The following TRAPPC9 variants were observed in gnomAD, a reference collection of about 807,000 sequenced individuals.
The protein encoded by TRAPPC9 is trafficking protein particle complex subunit 9.
In TRAPPC9, 83 loss-of-function variants were observed where a neutral mutation model predicts 124.0. That is an observed-to-expected ratio of 0.67 (90% CI 0.56 to 0.80). The LOEUF (loss-of-function observed/expected upper bound fraction) is 0.80. Ranked by LOEUF, TRAPPC9 falls within the 30% of genes least tolerant of loss-of-function variation. TRAPPC9 has a pLI of 0.00. For synonymous variants in TRAPPC9, 638 were observed against 617.5 expected, an observed-to-expected ratio of 1.03 and a Z score of -0.49; for missense variants, 1,302 against 1,508.3, an observed-to-expected ratio of 0.86 and a Z score of 2.27.
At chr8:139,789,371 C>T (rs1488684663) in intron 21 of TRAPPC9, among the ~76,000 whole-genome samples, 4 of 152,298 alleles carry the variant, frequency 2.6e-5, no homozygotes, top group Non-Finnish European at 1.5e-5. Context: ...GGGATGTGGT[C>T]GAAGGGTGTG....
At chr8:140,335,819 G>A (rs943440606) in intron 9 of TRAPPC9, among the ~76,000 whole-genome samples, 5 of 149,320 alleles carry the variant, frequency 3.3e-5, no homozygotes, top group East Asian at 2.0e-4. Context: ...CGATTCTCCC[G>A]CTTTAGCCTC....
chr8:140,216,639 C>T lies in TRAPPC9; in HGVS notation c.2556+4820G>A, dbSNP rs1228696047. Reference sequence around the variant, plus strand: ...CTCCTCTCAGCCCTCTCCGTGCTCCCGTGCTCAGGACAGCAGGCCTGCAGC... The same window carrying T: ...CTCCTCTCAGCCCTCTCCGTGCTCCTGTGCTCAGGACAGCAGGCCTGCAGC... On this transcript the variant is annotated intron_variant, in intron 17 of 22. Coordinates refer to ENST00000438773, the MANE Select transcript of TRAPPC9 (RefSeq NM_001160372.4). The surrounding 1 kb of genome is among the most constrained non-coding windows in gnomAD (Gnocchi z 4.1). Among the ~76,000 whole-genome samples, 5 of 152,206 alleles carry T rather than the reference C, an allele frequency of 3.3e-5. No homozygotes were observed. Among genetic ancestry groups the T allele is most frequent in the Middle Eastern group, 3.2e-3 (1 of 314 alleles).
At chr8:139,745,701 G>A (rs1818840013) in intron 21 of TRAPPC9, among the ~76,000 whole-genome samples, 1 of 152,230 alleles carries the variant, frequency 6.6e-6, no homozygotes, top group Admixed American at 6.5e-5. Flanking sequence ...GGGACAAACA[G>A]AGCAGGACAG....
At position 140,451,292 on chromosome 8, in the gene TRAPPC9, C is replaced by T. The variant is rs151056818; in HGVS notation, c.82G>A (p.Glu28Lys). The change falls in exon 2 of 23, where the codon GAG (glutamate) becomes AAG (lysine). Residue 28 changes from glutamate (E) to lysine (K), a missense_variant. By Grantham distance (56) the Glu-to-Lys change is moderately conservative. Coordinates refer to ENST00000438773, the MANE Select transcript of TRAPPC9 (RefSeq NM_001160372.4). Reference sequence around the variant, plus strand: ...TTATAGATCCTGAAGAAGTTCTCCTCGGAGACGATGCCCACAGGCTGGACC... The same window carrying T: ...TTATAGATCCTGAAGAAGTTCTCCTTGGAGACGATGCCCACAGGCTGGACC... The part of the protein sequence containing the change: ...VVVQPVGIVS[E>K]ENFFRIYKRI... The T allele has an allele frequency of 5.2e-5, 84 of 1,610,248 alleles. No individual in the cohort carries two copies. The African/African-American group carries it at 6.8e-4, about 13-fold the overall frequency.
rs1356576902 is a variant in TRAPPC9, at chr8:139,984,722, A to G, written c.2810+4004T>C. Among the ~76,000 whole-genome samples, 2 of 152,076 alleles carry G rather than the reference A, an allele frequency of 1.3e-5. No homozygotes were observed. The highest frequency in any genetic ancestry group is 2.9e-5 in the Non-Finnish European group (2 of 67,998). On this transcript the variant is annotated intron_variant, in intron 19 of 22. Transcript: ENST00000438773. The surrounding 1 kb of genome is among the most constrained non-coding windows in gnomAD (Gnocchi z 4.3). ...CCCACAGGAGGCCGGTGAGGCACTGAGAGAGGTTTGGGAAAGGGAGGGGAG... is the reference window on the plus strand; with the variant it reads ...CCCACAGGAGGCCGGTGAGGCACTGGGAGAGGTTTGGGAAAGGGAGGGGAG...
chr8:140,233,623 C>CCACACACACACACACACACACACACA (rs35452775), intron 16 of TRAPPC9, among the ~76,000 whole-genome samples: 2 of 90,846 alleles, frequency 2.2e-5, no homozygotes, highest in African/African-American at 4.4e-5. Context: ...TCTCTCCCCA[C>CCACACACACACACACACACACACACA]CACACACACA....
chr8:140,364,644 A>G (rs2068056661), intron 8 of TRAPPC9, among the ~76,000 whole-genome samples: 1 of 151,840 alleles, frequency 6.6e-6, no homozygotes, highest in Non-Finnish European at 1.5e-5. Context: ...GCAGTGGTGC[A>G]TTCTCGGCTC....
chr8:140,255,818 G>A (rs1475780171), intron 15 of TRAPPC9, among the ~76,000 whole-genome samples: 2 of 152,164 alleles, frequency 1.3e-5, no homozygotes, highest in African/African-American at 4.8e-5. Context: ...CCAGGGAGGT[G>A]GAGGTTGCAG....
intron 10 of TRAPPC9, among the ~76,000 whole-genome samples, chr8:140,305,234 C>A (rs1401005540): frequency 6.6e-6 from 1 of 152,190 alleles, no homozygotes; most frequent in Non-Finnish European, 1.5e-5. Flanking sequence ...CAGGTACTAA[C>A]AGAACTTGTT....
intron 18 of TRAPPC9, among the ~76,000 whole-genome samples, chr8:140,004,042 C>T (rs1432560120): frequency 2.0e-5 from 3 of 152,152 alleles, no homozygotes; most frequent in Admixed American, 6.5e-5. Flanking sequence ...TTGACAGACT[C>T]AGTGACACAG....
At chr8:140,198,253 C>T (rs1390586560) in intron 17 of TRAPPC9, among the ~76,000 whole-genome samples, 1 of 152,204 alleles carries the variant, frequency 6.6e-6, no homozygotes, top group Non-Finnish European at 1.5e-5. Flanking sequence ...TTTCCCAAAG[C>T]AGACCTCCTC....
At chr8:140,062,731 G>A (rs116465441) in intron 17 of TRAPPC9, among the ~76,000 whole-genome samples, 1,577 of 152,154 alleles carry the variant, frequency 0.01, 26 homozygotes, top group African/African-American at 0.036. Flanking sequence ...TATTCACTGC[G>A]TCATTACCGG....
chr8:139,941,209 C>T (rs569726887), intron 19 of TRAPPC9, among the ~76,000 whole-genome samples: 93 of 152,354 alleles, frequency 6.1e-4, no homozygotes, highest in African/African-American at 2.2e-3. Flanking sequence ...TCAGCCTTCA[C>T]AGGAGGCTGC....
chr8:139,768,443 C>T (rs374506417), intron 21 of TRAPPC9, among the ~76,000 whole-genome samples: 5 of 152,174 alleles, frequency 3.3e-5, no homozygotes, highest in South Asian at 2.1e-4. Context: ...CGGGCCACAC[C>T]GACTGCGCTG....
Position 139,887,217 on chromosome 8 carries a change from CTTTTTTTTTT to C in TRAPPC9, c.2965-1258_2965-1249del, listed in dbSNP as rs1221275448. Among the ~76,000 whole-genome samples, 11 of 130,592 alleles carry C rather than the reference CTTTTTTTTTT, an allele frequency of 8.4e-5. No individual in the cohort carries two copies. In the South Asian group the frequency reaches 2.7e-3, roughly 32 times the overall value. 85.7% of individuals were successfully genotyped at this position (130,592 alleles called of 152,430 possible). A position where few individuals can be genotyped will look rare whatever the true frequency, so the allele number is the denominator to read the frequency against. On this transcript the variant is annotated intron_variant, in intron 20 of 22. Coordinates refer to ENST00000438773, the MANE Select transcript of TRAPPC9 (RefSeq NM_001160372.4). ...TACCCACTCCTGTGTCCTATTTTAG[CTTTTTTTTTT>C]TTTTTTTTTTAGAGACAGAATCTCA...
chr8:140,026,173 G>C (rs994965929), intron 17 of TRAPPC9, among the ~76,000 whole-genome samples: 2 of 152,138 alleles, frequency 1.3e-5, no homozygotes, highest in Non-Finnish European at 2.9e-5. Context: ...TGAATCGTGG[G>C]TCAGAATTTC....
chr8:139,832,124 A>T (rs1826034560), intron 21 of TRAPPC9, among the ~76,000 whole-genome samples: 1 of 152,150 alleles, frequency 6.6e-6, no homozygotes, highest in Non-Finnish European at 1.5e-5. Flanking sequence ...GCCACCTCTG[A>T]GGGCCTCGTT....
At chr8:139,807,815 A>T (rs1256309811) in intron 21 of TRAPPC9, among the ~76,000 whole-genome samples, 1 of 152,232 alleles carries the variant, frequency 6.6e-6, no homozygotes, top group South Asian at 2.1e-4. Flanking sequence ...TAAATAAAAA[A>T]ATATGAAAAA....
chr8:139,877,837 G>A (rs898968680), intron 21 of TRAPPC9, among the ~76,000 whole-genome samples: 1 of 152,178 alleles, frequency 6.6e-6, no homozygotes, highest in African/African-American at 2.4e-5. Flanking sequence ...GGAAACCCAA[G>A]TTCACAGGAC....
Sources: gnomAD v4.1 joint callset for allele counts (sites outside exome capture counted in the v4.1 genomes callset) on GRCh38, gnomAD v4.1.1 for gene constraint, Gnocchi (gnomAD v3.1) non-coding constraint, MANE v1.5 for transcripts, NCBI Gene and HGNC (gene_info 2026-07-23, HGNC 2026-07-21) for gene names.